The following TRPC5 variants were observed in gnomAD, a reference collection of about 807,000 sequenced individuals.
The protein encoded by TRPC5 is short transient receptor potential channel 5.
Under a neutral mutation model 56.5 loss-of-function variants are expected in TRPC5, and 9 were observed. That is an observed-to-expected ratio of 0.16 (90% CI 0.10 to 0.28). The LOEUF is 0.28. Among genes scored for constraint, TRPC5 ranks in the 10% least tolerant of loss-of-function variants. The probability of loss-of-function intolerance (pLI) is 1.00; values close to 1 mark genes in which losing one functional copy is unlikely to be tolerated. For synonymous variants in TRPC5, 282 were observed against 278.5 expected, an observed-to-expected ratio of 1.01 and a Z score of -0.13; for missense variants, 469 against 748.9, an observed-to-expected ratio of 0.63 and a Z score of 4.36.
chrX:112,081,208 T>C (rs1459281792), intron 1 of TRPC5, among the ~76,000 whole-genome samples: 1 of 112,070 alleles, frequency 8.9e-6, no homozygotes, highest in Non-Finnish European at 1.9e-5. Context: ...GCTCAGTACC[T>C]GCATATGTGG....
intron 3 of TRPC5, among the ~76,000 whole-genome samples, chrX:111,863,130 G>C (rs1380997166): frequency 1.8e-5 from 2 of 111,463 alleles, no homozygotes; most frequent in African/African-American, 6.5e-5. Flanking sequence ...GGCAATAGCA[G>C]AACAGTGGGT....
At chrX:111,909,615 G>A (rs1330939117) in intron 3 of TRPC5, among the ~76,000 whole-genome samples, 1 of 111,009 alleles carries the variant, frequency 9.0e-6, no homozygotes, top group East Asian at 2.8e-4. Flanking sequence ...AATGGACCCT[G>A]GAAACAATGT....
chrX:112,037,082 A>C (rs930636907), intron 1 of TRPC5, among the ~76,000 whole-genome samples: 1 of 111,967 alleles, frequency 8.9e-6, no homozygotes, highest in East Asian at 2.8e-4. Flanking sequence ...TCAATGATGC[A>C]TTTATTATCT....
intron 3 of TRPC5, among the ~76,000 whole-genome samples, chrX:111,881,001 C>T (rs778363420): frequency 9.0e-6 from 1 of 111,468 alleles, no homozygotes; most frequent in Non-Finnish European, 1.9e-5. Context: ...CTTACACTCC[C>T]GTTACTGCAA....
At chrX:112,007,660 T>C (rs1397454202) in intron 1 of TRPC5, among the ~76,000 whole-genome samples, 2 of 111,518 alleles carry the variant, frequency 1.8e-5, no homozygotes, top group African/African-American at 3.3e-5. Context: ...CTCCCCTATA[T>C]TCTCAGCACT....
At chrX:111,911,880 C>T (rs1925830064) in intron 3 of TRPC5, among the ~76,000 whole-genome samples, 1 of 112,035 alleles carries the variant, frequency 8.9e-6, no homozygotes, top group Non-Finnish European at 1.9e-5. Context: ...GGATAGGATC[C>T]TTTGTTATGT....
intron 1 of TRPC5, among the ~76,000 whole-genome samples, chrX:112,069,516 A>G (rs1424449838): frequency 8.9e-6 from 1 of 112,258 alleles, no homozygotes; most frequent in East Asian, 2.8e-4. Flanking sequence ...TGCTCTCTAG[A>G]GGAAGTCTGA....
chrX:111,925,736 A>T (rs1926240685), intron 2 of TRPC5, among the ~76,000 whole-genome samples: 1 of 111,676 alleles, frequency 9.0e-6, no homozygotes, highest in Admixed American at 9.5e-5. Context: ...CCTTCCAGGT[A>T]ATTTGAAGGG....
chrX:111,787,758 A>T (rs1945980408), intron 7 of TRPC5, among the ~76,000 whole-genome samples: 1 of 111,721 alleles, frequency 9.0e-6, no homozygotes, highest in South Asian at 3.8e-4. Flanking sequence ...AGAAATTCAA[A>T]CTACCATCAG....
At chrX:111,968,472 T>C (rs1351613017) in intron 1 of TRPC5, among the ~76,000 whole-genome samples, 1 of 111,448 alleles carries the variant, frequency 9.0e-6, no homozygotes, top group African/African-American at 3.3e-5. Context: ...ATCCCATTAC[T>C]GGGTATATAC....
chrX:111,784,554 A>G (rs943251695), intron 7 of TRPC5, among the ~76,000 whole-genome samples: 3 of 111,853 alleles, frequency 2.7e-5, no homozygotes, highest in Non-Finnish European at 3.8e-5. Flanking sequence ...TAACTGGTTC[A>G]TCTCATTGGG....
At chrX:111,909,355 TA>T (rs1161224912) in intron 3 of TRPC5, among the ~76,000 whole-genome samples, 25 of 106,449 alleles carry the variant, frequency 2.3e-4, no homozygotes, top group Non-Finnish European at 3.9e-4. Flanking sequence ...AATAAATAAA[TA>T]AATTAATTAA....
intron 1 of TRPC5, among the ~76,000 whole-genome samples, chrX:111,979,837 A>T (rs1928030080): frequency 8.9e-6 from 1 of 111,799 alleles, no homozygotes; most frequent in Non-Finnish European, 1.9e-5. Context: ...CGTGGGTGAG[A>T]ATGTGAAGGA....
chrX:111,841,746 C>A (rs993288191), intron 6 of TRPC5, among the ~76,000 whole-genome samples: 5 of 111,255 alleles, frequency 4.5e-5, no homozygotes, highest in Non-Finnish European at 9.4e-5. Flanking sequence ...AGTCTCCATG[C>A]GATGCCCAGG....
At chrX:112,001,585 C>A (rs180769614) in intron 1 of TRPC5, among the ~76,000 whole-genome samples, 1 of 111,555 alleles carries the variant, frequency 9.0e-6, no homozygotes, top group African/African-American at 3.3e-5. Context: ...CACGGCAAAA[C>A]CTCGTCTCTA....
At chrX:112,074,265 C>T (rs1292912695) in intron 1 of TRPC5, among the ~76,000 whole-genome samples, 1 of 107,534 alleles carries the variant, frequency 9.3e-6, no homozygotes, top group African/African-American at 3.4e-5. Flanking sequence ...ATTTGAGTAG[C>T]AAAGTTCTGT....
Position 111,821,315 on chromosome X carries a change from G to T in TRPC5, c.1896+13606C>A, listed in dbSNP as rs1922022398. On this transcript the variant is annotated intron_variant, in intron 7 of 10. Coordinates refer to ENST00000262839, the MANE Select transcript of TRPC5 (RefSeq NM_012471.3). ...AAAACAGAGGAAAAAGCAAAATCCT[G>T]TGAGAAAAGAGAGAAATACAATGAC... 2.7e-5 allele frequency among the ~76,000 whole-genome samples: 3 copies of T among 111,917 alleles called. No homozygotes were observed. In the South Asian group the frequency reaches 1.1e-3, roughly 42 times the overall value.
At chrX:111,825,215 CT>C (rs1922185587) in intron 7 of TRPC5, among the ~76,000 whole-genome samples, 1 of 59,885 alleles carries the variant, frequency 1.7e-5, no homozygotes, top group Non-Finnish European at 3.3e-5. Context: ...TTCTTTCTTT[CT>C]TTCTTCTTTC....
At chrX:111,981,355 T>A (rs1290069338) in intron 1 of TRPC5, among the ~76,000 whole-genome samples, 3 of 111,342 alleles carry the variant, frequency 2.7e-5, no homozygotes, top group Non-Finnish European at 5.6e-5. Flanking sequence ...TTTATTCTAG[T>A]TAGGCCTTCA....
Sources: allele counts gnomAD v4.1 joint callset (sites outside exome capture counted in the v4.1 genomes callset), GRCh38; gene constraint gnomAD v4.1.1; transcripts MANE v1.5; gene names NCBI Gene and HGNC (gene_info 2026-07-23, HGNC 2026-07-21).